PALLD: variants seen among roughly 807,000 people sequenced by gnomAD.
The protein encoded by PALLD is palladin, cytoskeletal associated protein.
Under a neutral mutation model 123.5 loss-of-function variants are expected in PALLD, and 61 were observed. The observed-to-expected ratio is 0.49, with a 90% CI of 0.40 to 0.61. The LOEUF (loss-of-function observed/expected upper bound fraction) is 0.61. Among genes scored for constraint, PALLD ranks in the 20% least tolerant of loss-of-function variants. The pLI is 0.00. For synonymous variants in PALLD, 465 were observed against 496.4 expected (o/e 0.94, Z 0.84); for missense variants, 1,273 against 1,377.0 (o/e 0.92, Z 1.20).
At chr4:168,600,783 T>G (rs923154001) in intron 2 of PALLD, among the ~76,000 whole-genome samples, 1 of 152,164 alleles carries the variant, frequency 6.6e-6, no homozygotes, top group African/African-American at 2.4e-5. Flanking sequence ...AAGTCTAGAC[T>G]GCAAGCAGTT....
intron 10 of PALLD, among the ~76,000 whole-genome samples, chr4:168,859,750 C>A (rs1436988946): frequency 6.6e-6 from 1 of 152,074 alleles, no homozygotes; most frequent in African/African-American, 2.4e-5. Context: ...TAGAACTAGG[C>A]CTCAAGGAGC....
At position 168,512,231 on chromosome 4, in the gene PALLD, T is replaced by C; in HGVS notation, c.727T>C (p.Tyr243His). ...CAAGTCCCCTGGGGCCAGGCATTGCTACCAGGACAACCAGGACTTGGCAGT... is the reference window on the plus strand; with the variant it reads ...CAAGTCCCCTGGGGCCAGGCATTGCCACCAGGACAACCAGGACTTGGCAGT... ...EVKSPGARHC[Y>H]QDNQDLAVPH... The change falls in exon 2 of 22, where the codon TAC (tyrosine) becomes CAC (histidine). Residue 243 changes from tyrosine to histidine, a missense_variant. Physicochemically the swap from Tyr to His is moderately conservative, Grantham distance 83 (BLOSUM62 2). This residue lies in a region of PALLD where 944 missense variants were observed against 954.5 expected (regional missense o/e 0.99). Coordinates refer to ENST00000505667, the MANE Select transcript of PALLD (RefSeq NM_001166108.2). 3 of 1,613,876 alleles carry C rather than the reference T, an allele frequency of 1.9e-6. No homozygotes were observed. Among genetic ancestry groups the C allele is most frequent in the African/African-American group, 1.3e-5 (1 of 74,998 alleles).
chr4:168,745,857 A>G (rs569601459), intron 10 of PALLD, among the ~76,000 whole-genome samples: 5 of 152,342 alleles, frequency 3.3e-5, no homozygotes, highest in South Asian at 2.1e-4. Flanking sequence ...GACTATATGC[A>G]GGAGAAAAGA....
At chr4:168,684,863 A>G (rs778956243) in intron 5 of PALLD, among the ~76,000 whole-genome samples, 9 of 152,372 alleles carry the variant, frequency 5.9e-5, no homozygotes, top group Non-Finnish European at 1.0e-4. Context: ...ATAAGTGAAT[A>G]AATCCAGATC....
chr4:168,626,196 C>T (rs1041859124), intron 2 of PALLD, among the ~76,000 whole-genome samples: 6 of 151,500 alleles, frequency 4.0e-5, no homozygotes, highest in Non-Finnish European at 7.4e-5. Flanking sequence ...GTCAGGAGAT[C>T]GAGACCATCC....
intron 10 of PALLD, among the ~76,000 whole-genome samples, chr4:168,733,191 CTTCTT>C (rs1455823469): frequency 1.3e-5 from 2 of 152,110 alleles, no homozygotes; most frequent in Non-Finnish European, 2.9e-5. Flanking sequence ...TTAAAATTCT[CTTCTT>C]TTAGCTATTT....
chr4:168,581,014 A>T (rs1427209287), intron 2 of PALLD, among the ~76,000 whole-genome samples: 1 of 151,968 alleles, frequency 6.6e-6, no homozygotes, highest in Non-Finnish European at 1.5e-5. Flanking sequence ...AAAAAAAAAA[A>T]ACTGTCAGAT....
At chr4:168,498,067 T>G (rs28564534) in intron 1 of PALLD, among the ~76,000 whole-genome samples, 14,748 of 152,262 alleles carry the variant, frequency 0.097, 797 homozygotes, top group Non-Finnish European at 0.11. Context: ...TCATGATAAA[T>G]GTGCCTTCCA....
In PALLD at chr4:168,873,713, G is replaced by A. The variant is rs560640838; in HGVS notation, c.1965-17209G>A. On this transcript the variant is annotated intron_variant, in intron 10 of 21. Transcript: ENST00000505667. ...AGAATGATGTGGCACCAGGCTTTCT[G>A]AGCCAGCCAGCACTTCACATCCAGG... is the stretch of plus-strand genomic sequence containing the variant. Among the ~76,000 whole-genome samples the A allele has an allele frequency of 3.9e-5, 6 of 152,318 alleles. No individual in the cohort carries two copies. In the South Asian group the frequency reaches 8.3e-4, roughly 21 times the overall value.
intron 2 of PALLD, among the ~76,000 whole-genome samples, chr4:168,665,978 CAA>C (rs11295343): frequency 2.1e-4 from 31 of 147,296 alleles, no homozygotes; most frequent in Middle Eastern, 3.5e-3. Flanking sequence ...CGCCCCCCAC[CAA>C]AAAAAAAAAA....
intron 2 of PALLD, among the ~76,000 whole-genome samples, chr4:168,528,668 C>G (rs1316154697): frequency 6.6e-6 from 1 of 152,194 alleles, no homozygotes; most frequent in Non-Finnish European, 1.5e-5. Flanking sequence ...GGATTATTAA[C>G]ACCAAAAGTT....
At chr4:168,606,944 A>G (rs1389184817) in intron 2 of PALLD, among the ~76,000 whole-genome samples, 1 of 152,200 alleles carries the variant, frequency 6.6e-6, no homozygotes, top group Non-Finnish European at 1.5e-5. Context: ...ATTGAGTTCC[A>G]AAATTTAAGA....
intron 2 of PALLD, among the ~76,000 whole-genome samples, chr4:168,640,173 C>T (rs545731214): frequency 2.0e-4 from 31 of 152,266 alleles, no homozygotes; most frequent in African/African-American, 7.2e-4. Context: ...TCAAGTTCAG[C>T]GTATTATCCT....
intron 2 of PALLD, among the ~76,000 whole-genome samples, chr4:168,527,054 T>G: frequency 6.6e-6 from 1 of 152,186 alleles, no homozygotes; most frequent in East Asian, 1.9e-4. Flanking sequence ...CTTTGCCAGC[T>G]GCTTGTGGCA....
intron 2 of PALLD, among the ~76,000 whole-genome samples, chr4:168,527,418 A>G (rs1448080332): frequency 9.4e-5 from 11 of 116,782 alleles, no homozygotes; most frequent in African/African-American, 1.3e-4. Flanking sequence ...GTGAAACTCC[A>G]TCTCAAAAAA....
At chr4:168,499,246 A>AGAAGGAAGGGAGAAGGGAGGGAG (rs1561174497) in intron 1 of PALLD, among the ~76,000 whole-genome samples, 8 of 82,060 alleles carry the variant, frequency 9.7e-5, no homozygotes, top group African/African-American at 3.6e-4. Context: ...GAAGGAAGGG[A>AGAAGGAAGGGAGAAGGGAGGGAG]GAAGGGAGGG....
At chr4:168,752,355 G>C (rs529779255) in intron 10 of PALLD, among the ~76,000 whole-genome samples, 1 of 152,312 alleles carries the variant, frequency 6.6e-6, no homozygotes, top group African/African-American at 2.4e-5. Flanking sequence ...GCCTGAGGGA[G>C]ACCCCGCCTA....
At chr4:168,625,502 G>GATAGATAGATAGATAGATATAT in intron 2 of PALLD, among the ~76,000 whole-genome samples, 8 of 114,474 alleles carry the variant, frequency 7.0e-5, no homozygotes, top group South Asian at 5.3e-4. Flanking sequence ...ATATCCAGGA[G>GATAGATAGATAGATAGATATAT]ATATATATAT....
chr4:168,686,173 A>G (rs1782027982), intron 6 of PALLD, among the ~76,000 whole-genome samples: 1 of 152,214 alleles, frequency 6.6e-6, no homozygotes, highest in African/African-American at 2.4e-5. Flanking sequence ...TAATCTGGCT[A>G]AAATTCTAGC....
Sources: allele counts gnomAD v4.1 joint callset (sites outside exome capture counted in the v4.1 genomes callset), GRCh38; gene constraint gnomAD v4.1.1; regional missense constraint gnomAD v4.1.1; transcripts MANE v1.5; gene names NCBI Gene and HGNC (gene_info 2026-07-23, HGNC 2026-07-21).